Variants in POC1B observed in about 807,000 individuals in gnomAD.
POC1B encodes POC1 centriolar protein homolog B.
POC1B carries 44 observed loss-of-function variants against 60.6 expected under a neutral mutation model. That is an observed-to-expected ratio of 0.73 (90% CI 0.57 to 0.93). The LOEUF (loss-of-function observed/expected upper bound fraction) is 0.93. POC1B is among the 40% of genes least tolerant of loss of function. The pLI is 0.00. For synonymous variants in POC1B, 180 were observed against 198.9 expected (o/e 0.90, Z 0.80); for missense variants, 555 against 572.3 (o/e 0.97, Z 0.31).
intron 2 of POC1B, among the ~76,000 whole-genome samples, chr12:89,512,885 T>C (rs1870254688): frequency 6.6e-6 from 1 of 152,212 alleles, no homozygotes; most frequent in African/African-American, 2.4e-5. Flanking sequence ...GCTCAATTTT[T>C]AACCCAGTTT....
chr12:89,524,595 C>A, intron 2 of POC1B: 5 of 1,600,454 alleles, frequency 3.1e-6, no homozygotes, highest in Non-Finnish European at 4.3e-6. Context: ...CAAGCCACCA[C>A]GCAGGGGAAG....
At chr12:89,417,404 A>C (rs1880381081), downstream of POC1B, among the ~76,000 whole-genome samples, 1 of 152,154 alleles carries the variant, frequency 6.6e-6, no homozygotes, top group Non-Finnish European at 1.5e-5. Flanking sequence ...TTGCTTCCTC[A>C]AACACCTTAT....
At chr12:89,493,613 T>C (rs1353083573) in intron 3 of POC1B, among the ~76,000 whole-genome samples, 1 of 152,060 alleles carries the variant, frequency 6.6e-6, no homozygotes, top group Non-Finnish European at 1.5e-5. Context: ...AAATCAGGAG[T>C]ATAGTTTGGC....
At chr12:89,464,999 CA>C (rs35372269) in intron 9 of POC1B, among the ~76,000 whole-genome samples, 3 of 148,630 alleles carry the variant, frequency 2.0e-5, no homozygotes, top group South Asian at 2.1e-4. Context: ...CTTAAGGTCA[CA>C]AAAAAAAAAT....
intron 2 of POC1B, among the ~76,000 whole-genome samples, chr12:89,504,147 G>C (rs1350961964): frequency 6.6e-6 from 1 of 151,306 alleles, no homozygotes; most frequent in Non-Finnish European, 1.5e-5. Flanking sequence ...TGACGATGGC[G>C]GTTTTGTGGA....
chr12:89,449,929 A>G (rs1339806984), intron 10 of POC1B, among the ~76,000 whole-genome samples: 1 of 152,182 alleles, frequency 6.6e-6, no homozygotes, highest in Admixed American at 6.5e-5. Context: ...GTGAAACAAT[A>G]CAAATTGAGG....
chr12:89,445,226 T>C (rs942764233), intron 10 of POC1B, among the ~76,000 whole-genome samples: 1 of 152,172 alleles, frequency 6.6e-6, no homozygotes, highest in Non-Finnish European at 1.5e-5. Flanking sequence ...AAGCTACCAA[T>C]GACTTTCTTC....
intron 10 of POC1B, among the ~76,000 whole-genome samples, chr12:89,431,395 G>T (rs557400807): frequency 6.6e-6 from 1 of 151,778 alleles, no homozygotes; most frequent in South Asian, 2.1e-4. Flanking sequence ...GCCTTTTAAA[G>T]CCCTTTTTAT....
chr12:89,425,207 G>A lies in POC1B; in HGVS notation c.1286C>T (p.Thr429Ile). 1 of 1,614,176 alleles carries A rather than the reference G, an allele frequency of 6.2e-7. No individual in the cohort carries two copies. The change falls in exon 11 of 12, where the codon ACT becomes ATT. Residue 429 changes from threonine (T) to isoleucine (I), a missense_variant. Thr to Ile is a moderately conservative substitution (Grantham distance 89). Transcript: ENST00000313546. The part of the protein sequence containing the change: ...ESQRSIPLAV[T>I]DALEHIMEQL... ...TTCCATAATATGCTCTAAAGCATCA[G>A]TCACAGCGAGAGGTATGCTCCTTTG...
At chr12:89,409,818 C>A in the POC1B span, among the ~76,000 whole-genome samples, 2 of 152,240 alleles carry the variant, frequency 1.3e-5, no homozygotes, top group South Asian at 4.1e-4. Flanking sequence ...AATTAATAGC[C>A]TACCAACCAA....
At chr12:89,488,198 C>T (rs1011927465) in intron 4 of POC1B, among the ~76,000 whole-genome samples, 1 of 152,058 alleles carries the variant, frequency 6.6e-6, no homozygotes, top group African/African-American at 2.4e-5. Context: ...AATTTACTTC[C>T]ATAAAAAATT....
chr12:89,470,847 G>T (rs1001922691), intron 6 of POC1B, among the ~76,000 whole-genome samples: 4 of 152,194 alleles, frequency 2.6e-5, no homozygotes, highest in African/African-American at 9.7e-5. Flanking sequence ...AGTGGCTTGG[G>T]ATTAAAGGGA....
At chr12:89,405,004 T>G in the POC1B span, among the ~76,000 whole-genome samples, 2 of 152,220 alleles carry the variant, frequency 1.3e-5, no homozygotes, top group African/African-American at 2.4e-5. Flanking sequence ...TGGTGAGCAC[T>G]GTGCTCTGCC....
chr12:89,504,595 G>A (rs1358132463), intron 2 of POC1B, among the ~76,000 whole-genome samples: 1 of 78,418 alleles, frequency 1.3e-5, no homozygotes, highest in Non-Finnish European at 2.7e-5. Flanking sequence ...ACCCAAGAAT[G>A]ATCAATAAAA....
At position 89,487,185 on chromosome 12, in the gene POC1B, C is replaced by T. The variant is rs761644192; in HGVS notation, c.452+4751G>A. Among the ~76,000 whole-genome samples, 20 of 152,216 alleles carry T rather than the reference C, an allele frequency of 1.3e-4. No individual in the cohort carries two copies. The Middle Eastern group carries it at 0.01, about 78-fold the overall frequency. ...AGACTCACTCCTCCAGGAGGGGATGCTATGTTTCCGTGGGCGAGCCTGAGC... is the reference window on the plus strand; with the variant it reads ...AGACTCACTCCTCCAGGAGGGGATGTTATGTTTCCGTGGGCGAGCCTGAGC... On this transcript the variant is annotated intron_variant, in intron 4 of 11. Transcript: ENST00000313546.
At position 89,497,211 on chromosome 12, in the gene POC1B, C is replaced by A. The variant is rs201096824; in HGVS notation, c.232G>T (p.Ala78Ser). The change falls in exon 3 of 12, where the codon GCC (alanine) becomes TCC (serine). Residue 78 changes from alanine to serine, a missense_variant. By Grantham distance (99) the Ala-to-Ser change is moderately conservative (BLOSUM62 1). Transcript: ENST00000313546. ...AGTCTCACGGTTCTGTCTCGTGAGG[C>A]AGACGCCAATAAGTTTCCATGTGGA... ...FSPHGNLLAS[A>S]SRDRTVRLWI... is the part of the protein sequence containing the mutation. The A allele has an allele frequency of 2.7e-5, 44 of 1,613,820 alleles. No homozygotes were observed. Among genetic ancestry groups the A allele is most frequent in the Non-Finnish European group, 3.6e-5 (43 of 1,180,026 alleles).
Position 89,519,845 on chromosome 12 carries a change from T to C in POC1B, c.100+5275A>G, listed in dbSNP as rs191346648. 2.7e-3 allele frequency: 419 copies of C among 152,580 alleles called. 2 individuals are homozygous for C. The highest frequency in any genetic ancestry group is 9.7e-3 in the African/African-American group (401 of 41,548). 9.5% of individuals were successfully genotyped at this position (152,580 alleles called of 1,614,324 possible). ...AAAATGCCTATTTAGATAGTCAACC[T>C]ATCCGTAAAGTTGGACACTAAATGA... On this transcript the variant is annotated intron_variant, in intron 2 of 11. Coordinates refer to ENST00000313546, the MANE Select transcript of POC1B (RefSeq NM_172240.3).
chr12:89,514,432 G>A (rs1870349858), intron 2 of POC1B, among the ~76,000 whole-genome samples: 2 of 15,580 alleles, frequency 1.3e-4, no homozygotes, highest in African/African-American at 4.7e-4. Flanking sequence ...TTTTTTAGAC[G>A]AAGTCTTACT....
chr12:89,471,768 C>CTTTT lies in POC1B; in HGVS notation c.561-43_561-40dup, dbSNP rs776025659. The CTTTT allele has an allele frequency of 0.016, 12,767 of 816,312 alleles. 9 individuals carry two copies. The highest frequency in any genetic ancestry group is 0.036 in the South Asian group (1,837 of 51,358). The allele number at this position is 816,312 out of a possible 1,614,324, so 50.6% of individuals were successfully genotyped here. A position where few individuals can be genotyped will look rare whatever the true frequency, so the allele number is the denominator to read the frequency against. ...ATAAGATGACCTAATATTTCAATTT[C>CTTTT]TTTTTTTTTTTTTTTTGAGACGGAA... On this transcript the variant is annotated intron_variant, in intron 5 of 11. Transcript: ENST00000313546.
Sources: allele counts gnomAD v4.1 joint callset (sites outside exome capture counted in the v4.1 genomes callset), GRCh38; gene constraint gnomAD v4.1.1; transcripts MANE v1.5; gene names NCBI Gene and HGNC (gene_info 2026-07-23, HGNC 2026-07-21).